Variants in GRXCR2 observed in about 807,000 individuals in gnomAD.
GRXCR2 encodes glutaredoxin domain-containing cysteine-rich protein 2.
A neutral mutation model predicts 24.8 loss-of-function variants in GRXCR2; 23 were observed. The observed-to-expected ratio is 0.93, with a 90% confidence interval of 0.67 to 1.32. The LOEUF is 1.32. Among genes scored for constraint, GRXCR2 ranks in the 40% most tolerant of loss-of-function variants. The pLI, the probability that GRXCR2 is intolerant of heterozygous loss-of-function variation, is 0.00. For missense variants in GRXCR2, 315 were observed against 303.4 expected, an observed-to-expected ratio of 1.04 and a Z score of -0.28; for synonymous variants, 130 against 116.1, an observed-to-expected ratio of 1.12 and a Z score of -0.77.
intron 2 of GRXCR2, among the ~76,000 whole-genome samples, chr5:145,918,590 A>C (rs908858315): frequency 3.3e-5 from 5 of 152,206 alleles, no homozygotes; most frequent in Admixed American, 6.5e-5. Flanking sequence ...AATTATGACC[A>C]GTTCCTGGGT....
chr5:145,895,813 T>C (rs1441265031), intron 2 of GRXCR2, among the ~76,000 whole-genome samples: 2 of 152,222 alleles, frequency 1.3e-5, no homozygotes, highest in East Asian at 3.9e-4. Context: ...AAAAAGAGCC[T>C]GCATTGCCAA....
intron 1 of GRXCR2, among the ~76,000 whole-genome samples, chr5:145,870,202 T>C (rs1277529462): frequency 6.6e-6 from 1 of 152,164 alleles, no homozygotes; most frequent in African/African-American, 2.4e-5. Flanking sequence ...CTTCCCAAAT[T>C]GAAACTCTGT....
At chr5:145,912,128 C>A (rs1005066791) in intron 2 of GRXCR2, among the ~76,000 whole-genome samples, 1 of 152,188 alleles carries the variant, frequency 6.6e-6, no homozygotes, top group East Asian at 1.9e-4. Flanking sequence ...ACCCAGAAGG[C>A]AATCAGCCCT....
intron 2 of GRXCR2, among the ~76,000 whole-genome samples, chr5:145,863,901 C>T (rs1187745011): frequency 6.6e-6 from 1 of 152,160 alleles, no homozygotes; most frequent in African/African-American, 2.4e-5. Flanking sequence ...AAACAGTTAA[C>T]TAATATTCAC....
chr5:145,864,927 G>C (rs143910246), intron 2 of GRXCR2, among the ~76,000 whole-genome samples: 35 of 152,302 alleles, frequency 2.3e-4, no homozygotes, highest in African/African-American at 7.9e-4. Flanking sequence ...CCTTTTGCTA[G>C]AGTCCCAGTT....
intron 2 of GRXCR2, among the ~76,000 whole-genome samples, chr5:145,880,229 AC>A (rs1211327757): frequency 6.6e-6 from 1 of 152,128 alleles, no homozygotes; most frequent in Non-Finnish European, 1.5e-5. Flanking sequence ...CACAAAAAAA[AC>A]CCTTCAAAAA....
intron 2 of GRXCR2, among the ~76,000 whole-genome samples, chr5:145,895,458 T>C (rs554746390): frequency 1.2e-3 from 180 of 152,282 alleles, no homozygotes; most frequent in Middle Eastern, 3.4e-3. Context: ...AAAATCAATA[T>C]GCAAAAATCA....
chr5:145,864,432 G>T (rs1365235652), intron 2 of GRXCR2, among the ~76,000 whole-genome samples: 1 of 152,128 alleles, frequency 6.6e-6, no homozygotes, highest in African/African-American at 2.4e-5. Flanking sequence ...AAAGCTTAGA[G>T]GGGGTGACTG....
chr5:145,872,376 A>G lies in GRXCR2; in HGVS notation c.336+257T>C, dbSNP rs138131752. Among the ~76,000 whole-genome samples the G allele has an allele frequency of 2.2e-3, 340 of 152,324 alleles. 6 individuals carry two copies. Among genetic ancestry groups the G allele is most frequent in the East Asian group, 0.019 (101 of 5,190 alleles). On this transcript the variant is annotated intron_variant, in intron 1 of 2. Transcript: ENST00000377976. ...ACATTCCAGGAAAACTCAGTCAAAGATCCAATTACAATGTATTACCTTGGA... is the reference window on the plus strand; with the variant it reads ...ACATTCCAGGAAAACTCAGTCAAAGGTCCAATTACAATGTATTACCTTGGA...
chr5:145,931,084 T>C (rs1757471010), intron 2 of GRXCR2, among the ~76,000 whole-genome samples: 1 of 152,204 alleles, frequency 6.6e-6, no homozygotes, highest in African/African-American at 2.4e-5. Flanking sequence ...CAGGCTGGAG[T>C]GCAGTGGTGC....
chr5:145,892,736 A>G (rs1756888181), intron 2 of GRXCR2, among the ~76,000 whole-genome samples: 1 of 152,232 alleles, frequency 6.6e-6, no homozygotes, highest in African/African-American at 2.4e-5. Context: ...AAACTTCCCC[A>G]ATCTAGCAAG....
rs771151044 is a variant in GRXCR2, at chr5:145,866,506, T to C, written c.559A>G (p.Thr187Ala). The change falls in exon 2 of 3, where the codon ACA (threonine) becomes GCA (alanine). Residue 187 changes from threonine (T) to alanine (A), a missense_variant. Coordinates refer to ENST00000377976, the MANE Select transcript of GRXCR2 (RefSeq NM_001080516.2). ...AESTLPQNRY[T>A]QEGDIPEDSC... The stretch of plus-strand genomic sequence containing the variant: ...AGTCAAGCTCCCCAACGCACCTGTG[T>C]ATACCGGTTTTGGGGTAATGTGCTT... 3.7e-6 allele frequency: 6 copies of C among 1,612,230 alleles called. No homozygotes were observed. The highest frequency in any genetic ancestry group is 5.1e-6 in the Non-Finnish European group (6 of 1,178,372).
chr5:145,925,202 T>C (rs1757374011), intron 2 of GRXCR2, among the ~76,000 whole-genome samples: 1 of 152,216 alleles, frequency 6.6e-6, no homozygotes, highest in African/African-American at 2.4e-5. Context: ...TCTTATTTAA[T>C]AAGATGGCAC....
intron 2 of GRXCR2, among the ~76,000 whole-genome samples, chr5:145,881,709 C>G (rs1297716210): frequency 6.6e-6 from 1 of 152,180 alleles, no homozygotes; most frequent in East Asian, 1.9e-4. Context: ...CCCACATTGT[C>G]AAGACAATCG....
chr5:145,911,184 C>T (rs1378891440), intron 2 of GRXCR2, among the ~76,000 whole-genome samples: 3 of 152,126 alleles, frequency 2.0e-5, no homozygotes, highest in African/African-American at 7.2e-5. Flanking sequence ...TCTATCAGCA[C>T]CTCGAGTTAA....
Position 145,872,917 on chromosome 5 carries a change from T to G in GRXCR2, c.52A>C (p.Lys18Gln), listed in dbSNP as rs1167126060. The change falls in exon 1 of 3, where the codon AAA becomes CAA. Residue 18 changes from lysine (K) to glutamine (Q), a missense_variant. Lys to Gln is a moderately conservative substitution (Grantham distance 53). Coordinates refer to ENST00000377976, the MANE Select transcript of GRXCR2 (RefSeq NM_001080516.2). ...LNQKSDGKPR[K>Q]VRFKISSSYS... The stretch of plus-strand genomic sequence containing the variant: ...GAGGAGGAGATTTTAAATCGTACTT[T>G]CCGGGGTTTGCCATCACTCTTCTGA... 1 of 1,614,090 alleles carries G rather than the reference T, an allele frequency of 6.2e-7. No individual in the cohort carries two copies. The highest frequency in any genetic ancestry group is 8.5e-7 in the Non-Finnish European group (1 of 1,180,032).
chr5:145,927,543 G>A (rs1043711621), intron 2 of GRXCR2, among the ~76,000 whole-genome samples: 47 of 152,242 alleles, frequency 3.1e-4, no homozygotes, highest in Non-Finnish European at 5.7e-4. Flanking sequence ...ATTGATTTGC[G>A]TATGTTGAAC....
At chr5:145,872,567 G>A in intron 1 of GRXCR2, 66 bp downstream of exon 1, 1 of 1,341,362 alleles carries the variant, frequency 7.5e-7, no homozygotes, top group Non-Finnish European at 1.0e-6. Flanking sequence ...AACCATTTAG[G>A]AGTTTCTCTA....
intron 2 of GRXCR2, among the ~76,000 whole-genome samples, chr5:145,880,172 A>G (rs1052015889): frequency 9.9e-5 from 15 of 152,210 alleles, no homozygotes; most frequent in African/African-American, 3.6e-4. Flanking sequence ...AAGCTACCAG[A>G]AGGCAAGAAA....
Sources: allele counts gnomAD v4.1 joint callset (sites outside exome capture counted in the v4.1 genomes callset), GRCh38; gene constraint gnomAD v4.1.1; transcripts MANE v1.5; gene names NCBI Gene and HGNC (gene_info 2026-07-23, HGNC 2026-07-21).